The following CRHR2 variants were observed in gnomAD, a reference collection of about 807,000 sequenced individuals.
The protein encoded by CRHR2 is corticotropin releasing hormone receptor 2.
In CRHR2, 53 loss-of-function variants were observed where a neutral mutation model predicts 57.9. That is an observed-to-expected ratio of 0.92 (90% CI 0.73 to 1.15). The LOEUF is 1.15. CRHR2 is among the 50% of genes most tolerant of loss of function. CRHR2 has a pLI of 0.00. For synonymous variants in CRHR2, 213 were observed against 220.9 expected, an observed-to-expected ratio of 0.96 and a Z score of 0.32; for missense variants, 532 against 542.6, an observed-to-expected ratio of 0.98 and a Z score of 0.19.
In CRHR2 at chr7:30,667,333, C is replaced by A; in HGVS notation, c.230-20G>T. ...CATTCCCTACAAAAAATGCCAACTG[C>A]CAAGAGTCAGGTCACTCCCCTCCTC... On this transcript the variant is annotated intron_variant, in intron 2 of 11. Coordinates refer to ENST00000471646, the MANE Select transcript of CRHR2 (RefSeq NM_001883.5). 6.2e-7 allele frequency: 1 copy of A among 1,611,660 alleles called. No individual in the cohort carries two copies. Among genetic ancestry groups the A allele is most frequent in the Non-Finnish European group, 8.5e-7 (1 of 1,177,842 alleles).
chr7:30,698,606 A>G (rs563908722), intron 1 of CRHR2, among the ~76,000 whole-genome samples: 3 of 152,312 alleles, frequency 2.0e-5, no homozygotes, highest in Admixed American at 6.5e-5. Context: ...AGGACTCAGC[A>G]GGTCTGGGGG....
At chr7:30,662,977 G>A (rs758080026) in intron 5 of CRHR2, 130 bp from the exon 6 acceptor site, 20 of 1,074,642 alleles carry the variant, frequency 1.9e-5, no homozygotes, top group East Asian at 5.4e-5. Context: ...AAATACCAGC[G>A]AACCTCACTC....
chr7:30,659,053 G>T (rs41344845), intron 8 of CRHR2, among the ~76,000 whole-genome samples: 92 of 152,362 alleles, frequency 6.0e-4, no homozygotes, highest in African/African-American at 2.1e-3. Flanking sequence ...TTCTTCCTCT[G>T]TAAAATGGAG....
At chr7:30,695,049 G>A (rs1410484054) in intron 1 of CRHR2, among the ~76,000 whole-genome samples, 6 of 145,824 alleles carry the variant, frequency 4.1e-5, no homozygotes, top group East Asian at 2.1e-4. Context: ...ATACAGGAAC[G>A]GGGAGGAGGG....
chr7:30,689,197 G>C, exon 2 of CRHR2: 1 of 1,550,336 alleles, frequency 6.5e-7, no homozygotes, highest in Non-Finnish European at 8.7e-7. Context: ...CTACCTGAGA[G>C]GTTGGTGAGG....
intron 1 of CRHR2, chr7:30,699,870 G>A (rs1177394174): frequency 3.7e-6 from 4 of 1,088,650 alleles, no homozygotes; most frequent in East Asian, 3.9e-5. Context: ...TGAGACCCCC[G>A]CCCCTAGTCA....
In CRHR2 at chr7:30,665,390, C is replaced by T. The variant is rs1414637439; in HGVS notation, c.425+140G>A. ...TGCCTGCTGGTGATTCATGCCCTGGCACCCCACCCAAACCCCACTTTCTCC... is the reference window on the plus strand; with the variant it reads ...TGCCTGCTGGTGATTCATGCCCTGGTACCCCACCCAAACCCCACTTTCTCC... On this transcript the variant is annotated intron_variant, in intron 4 of 11. Transcript: ENST00000471646. The surrounding 1 kb of genome is among the most constrained non-coding windows in gnomAD (Gnocchi z 4.5). 3.5e-6 allele frequency: 3 copies of T among 857,524 alleles called. No individual in the cohort carries two copies. The highest frequency in any genetic ancestry group is 5.5e-6 in the Non-Finnish European group (3 of 540,918). The allele number at this position is 857,524 out of a possible 1,614,324, so 53.1% of individuals were successfully genotyped here. A position where few individuals can be genotyped will look rare whatever the true frequency, so the allele number is the denominator to read the frequency against.
chr7:30,665,489 G>A lies in CRHR2; in HGVS notation c.425+41C>T, dbSNP rs8192496. 0.67 allele frequency: 988,174 copies of A among 1,465,310 alleles called. 339,123 individuals are homozygous for A. The highest frequency in any genetic ancestry group is 0.71 in the Non-Finnish European group (757,104 of 1,068,924). The allele number at this position is 1,465,310 out of a possible 1,614,324, so 90.8% of individuals were successfully genotyped here. ...GGAGAGGTGAAGGGGGTGCTGTAGG[G>A]GGAGGGATGAGGAGAAAGCAAGGCG... On this transcript the variant is annotated intron_variant, in intron 4 of 11. Coordinates refer to ENST00000471646, the MANE Select transcript of CRHR2 (RefSeq NM_001883.5). The surrounding 1 kb of genome is among the most constrained non-coding windows in gnomAD (Gnocchi z 4.5).
At chr7:30,694,742 A>G (rs1785024552) in intron 1 of CRHR2, among the ~76,000 whole-genome samples, 4 of 151,386 alleles carry the variant, frequency 2.6e-5, no homozygotes. Flanking sequence ...CCTGCCCCTT[A>G]GGGAGCACAG....
rs1192331905 is a variant in CRHR2 at position 30,699,060 on chromosome 7, A to G, written c.-261+884T>C. Among the ~76,000 whole-genome samples the G allele has an allele frequency of 3.9e-5, 6 of 152,338 alleles. No homozygotes were observed. In the East Asian group the frequency reaches 1.2e-3, roughly 29 times the overall value. ...CCCAAAGCTGGTCTGTGGCAGAGTCAGGACAGCGACAAGCCTCTTAGCTTC... is the reference window on the plus strand; with the variant it reads ...CCCAAAGCTGGTCTGTGGCAGAGTCGGGACAGCGACAAGCCTCTTAGCTTC... On this transcript the variant is annotated intron_variant, in intron 1 of 13. Coordinates refer to the CRHR2 transcript ENST00000341843.
rs892659664 is a variant in CRHR2 at position 30,656,950 on chromosome 7, T to TAGGC, written c.832-942_832-939dup. On this transcript the variant is annotated intron_variant, in intron 8 of 11. Transcript: ENST00000471646. This position sits in a 1 kb window ranked among gnomAD's most constrained non-coding sequence, Gnocchi z 4.4. ...GTTTCTCTTCACCTGCCTCCGAGCA[T>TAGGC]AGGCAGGCAGGCAGGCAAGGGAGTG... is the stretch of plus-strand genomic sequence containing the variant. 3.9e-5 allele frequency among the ~76,000 whole-genome samples: 6 copies of TAGGC among 152,088 alleles called. No individual in the cohort carries two copies. Among genetic ancestry groups the TAGGC allele is most frequent in the African/African-American group, 1.2e-4 (5 of 41,400 alleles).
At chr7:30,699,705 C>T (rs1785129005) in intron 1 of CRHR2, 2 of 359,674 alleles carry the variant, frequency 5.6e-6, no homozygotes, top group Non-Finnish European at 5.1e-6. Context: ...TTCCCCTGCC[C>T]CCTCACCCAG....
rs549491198 is a variant in CRHR2, at chr7:30,678,976, G to A, written c.229+2939C>T. ...CCAGGCTCCCTCTCCAGATGGTGAAGCCCTGTAGAATGCCCTGCATCACCT... is the reference window on the plus strand; with the variant it reads ...CCAGGCTCCCTCTCCAGATGGTGAAACCCTGTAGAATGCCCTGCATCACCT... On this transcript the variant is annotated intron_variant, in intron 2 of 11. Transcript: ENST00000471646. Among the ~76,000 whole-genome samples the A allele has an allele frequency of 3.3e-5, 5 of 152,246 alleles. No individual in the cohort carries two copies. In the South Asian group the frequency reaches 1.0e-3, roughly 32 times the overall value.
At position 30,653,237 on chromosome 7, in the gene CRHR2, C is replaced by T; in HGVS notation, c.*223G>A. ...TCTGACTGGCTCTTCTCAGGGGGTCCTGTGAATTCCCTCTGCTTCCTCTTG... is the reference window on the plus strand; with the variant it reads ...TCTGACTGGCTCTTCTCAGGGGGTCTTGTGAATTCCCTCTGCTTCCTCTTG... On this transcript the variant is annotated 3_prime_UTR_variant, in exon 12 of 12. Coordinates refer to ENST00000471646, the MANE Select transcript of CRHR2 (RefSeq NM_001883.5). The surrounding 1 kb of genome is among the most constrained non-coding windows in gnomAD (Gnocchi z 5.0). 1 of 571,512 alleles carries T rather than the reference C, an allele frequency of 1.7e-6. No homozygotes were observed. Among genetic ancestry groups the T allele is most frequent in the Non-Finnish European group, 3.0e-6 (1 of 333,696 alleles). 35.4% of individuals were successfully genotyped at this position (571,512 alleles called of 1,614,324 possible). A position where few individuals can be genotyped will look rare whatever the true frequency, so the allele number is the denominator to read the frequency against.
At chr7:30,682,488 C>A, upstream of CRHR2, 3 of 1,320,318 alleles carry the variant, frequency 2.3e-6, no homozygotes, top group East Asian at 9.6e-5. Flanking sequence ...CCGCCGAGTG[C>A]ACGGAGCTGC....
chr7:30,695,323 C>T (rs144317496), intron 1 of CRHR2, among the ~76,000 whole-genome samples: 11 of 152,120 alleles, frequency 7.2e-5, no homozygotes, highest in African/African-American at 1.4e-4. Context: ...CAGCTCCCAG[C>T]GGCTTTCTTG....
At chr7:30,683,761 T>A (rs1784798139), upstream of CRHR2, among the ~76,000 whole-genome samples, 1 of 152,230 alleles carries the variant, frequency 6.6e-6, no homozygotes, top group Non-Finnish European at 1.5e-5. Flanking sequence ...TGTGTGTTGT[T>A]TGTTTCTATC....
At chr7:30,657,629 C>T (rs1783837384) in intron 8 of CRHR2, among the ~76,000 whole-genome samples, 2 of 152,206 alleles carry the variant, frequency 1.3e-5, no homozygotes, top group South Asian at 4.1e-4. Flanking sequence ...GCCACATTTT[C>T]TTGAATTCAA....
intron 8 of CRHR2, among the ~76,000 whole-genome samples, chr7:30,657,102 C>CACAT (rs1419084449): frequency 2.6e-5 from 4 of 152,144 alleles, no homozygotes; most frequent in African/African-American, 9.7e-5. Context: ...CACACACACA[C>CACAT]ACACACACCT....
Sources: allele counts gnomAD v4.1 joint callset (sites outside exome capture counted in the v4.1 genomes callset), GRCh38; gene constraint gnomAD v4.1.1; non-coding constraint Gnocchi (gnomAD v3.1); transcripts MANE v1.5; gene names NCBI Gene and HGNC (gene_info 2026-07-23, HGNC 2026-07-21).